GAREM1: variants seen among roughly 807,000 people sequenced by gnomAD.
GAREM1 encodes GRB2 associated regulator of MAPK1 subtype 1, also known as GRB2-associated and regulator of MAPK protein 1.
GAREM1 carries 26 observed loss-of-function variants against 71.3 expected under a neutral mutation model. The ratio of observed to expected loss-of-function variants is 0.36; its 90% CI spans 0.27 to 0.51. The LOEUF (loss-of-function observed/expected upper bound fraction) is 0.51. GAREM1 is among the 20% of genes least tolerant of loss of function. The pLI is 0.95. For missense variants in GAREM1, 1,026 were observed against 1,103.1 expected, an observed-to-expected ratio of 0.93 and a Z score of 0.99; for synonymous variants, 440 against 433.2, an observed-to-expected ratio of 1.02 and a Z score of -0.20.
intron 2 of GAREM1, among the ~76,000 whole-genome samples, chr18:32,388,950 T>C (rs1360100396): frequency 6.6e-6 from 1 of 152,176 alleles, no homozygotes; most frequent in African/African-American, 2.4e-5. Context: ...AGGATATCCT[T>C]GTTCTTAGGA....
chr18:32,342,552 C>T (rs139067945), intron 2 of GAREM1, among the ~76,000 whole-genome samples: 5 of 152,308 alleles, frequency 3.3e-5, no homozygotes, highest in African/African-American at 9.6e-5. Flanking sequence ...ACCTTCCCTC[C>T]TCTTGTCCTC....
In GAREM1 at chr18:32,287,744, A is replaced by G; in HGVS notation, c.853T>C (p.Cys285Arg). ...AGGATCTTGTTGTTCCGCAGCACACAGCAAACCACCACCGTCTTGGTCTGG... is the reference window on the plus strand; with the variant it reads ...AGGATCTTGTTGTTCCGCAGCACACGGCAAACCACCACCGTCTTGGTCTGG... ...NIQTKTVVVC[C>R]VLRNNKILPM... is the part of the protein sequence containing the mutation. Residue 285 changes from cysteine (C) to arginine (R), a missense_variant, in exon 4 of 6, where the codon TGT becomes CGT. Physicochemically the swap from Cys to Arg is radical, Grantham distance 180. Coordinates refer to ENST00000269209, the MANE Select transcript of GAREM1 (RefSeq NM_001242409.2). The surrounding 1 kb of genome is among the most constrained non-coding windows in gnomAD (Gnocchi z 5.9). 6.2e-7 allele frequency: 1 copy of G among 1,613,836 alleles called. No homozygotes were observed. Among genetic ancestry groups the G allele is most frequent in the Non-Finnish European group, 8.5e-7 (1 of 1,180,004 alleles).
At chr18:32,444,772 C>T (rs901580131) in intron 1 of GAREM1, among the ~76,000 whole-genome samples, 1 of 152,108 alleles carries the variant, frequency 6.6e-6, no homozygotes, top group Non-Finnish European at 1.5e-5. Context: ...TCTCTATATC[C>T]CTTTTCCTAT....
intron 2 of GAREM1, among the ~76,000 whole-genome samples, chr18:32,343,311 G>GTTTTTTTTTTTTTTTTTTTTTT (rs35086441): frequency 2.5e-5 from 3 of 118,886 alleles, no homozygotes; most frequent in African/African-American, 1.0e-4. Context: ...CTCCCCCACT[G>GTTTTTTTTTTTTTTTTTTTTTT]TTTTTTTTTT....
rs1422190759 is a variant in GAREM1 at position 32,287,986 on chromosome 18, C to T, written c.611G>A (p.Arg204Gln). The T allele has an allele frequency of 3.1e-6, 5 of 1,613,976 alleles. No homozygotes were observed. The highest frequency in any genetic ancestry group is 2.2e-5 in the South Asian group (2 of 91,060). Residue 204 changes from arginine to glutamine, a missense_variant, in exon 4 of 6, where the codon CGG (arginine) becomes CAG (glutamine). Physicochemically the swap from Arg to Gln is conservative, Grantham distance 43. Coordinates refer to ENST00000269209, the MANE Select transcript of GAREM1 (RefSeq NM_001242409.2). The surrounding 1 kb of genome is among the most constrained non-coding windows in gnomAD (Gnocchi z 5.9). ...TGGAAGGCTAATGCTTTCGTTGGTC[C>T]GGTGATTCATACAAATGAGGCACGG... Reference protein sequence around the residue: ...KMPCLICMNHRTNESISLPFQ... With the variant: ...KMPCLICMNHQTNESISLPFQ...
At chr18:32,304,796 CCT>C (rs1643211980) in intron 3 of GAREM1, among the ~76,000 whole-genome samples, 2 of 152,154 alleles carry the variant, frequency 1.3e-5, no homozygotes, top group African/African-American at 4.8e-5. Flanking sequence ...TGAACTCACC[CCT>C]GAGTTCAGAG....
chr18:32,332,712 A>T lies in GAREM1; in HGVS notation c.263-22389T>A, dbSNP rs117018541. Among the ~76,000 whole-genome samples, 6 of 152,198 alleles carry T rather than the reference A, an allele frequency of 3.9e-5. No homozygotes were observed. In the East Asian group the frequency reaches 1.2e-3, roughly 29 times the overall value. On this transcript the variant is annotated intron_variant, in intron 2 of 5. Transcript: ENST00000269209. ...GCTGTGTCTCCTACCACACCATCTG[A>T]CGGGACACTGTCGGGATTAAACGTA...
At chr18:32,457,226 A>AGAGAGAGTGT (rs1555648709) in intron 1 of GAREM1, among the ~76,000 whole-genome samples, 7 of 81,988 alleles carry the variant, frequency 8.5e-5, no homozygotes, top group East Asian at 4.9e-4. Flanking sequence ...AGAGAGAGAG[A>AGAGAGAGTGT]GTGTGTGTGT....
intron 1 of GAREM1, among the ~76,000 whole-genome samples, chr18:32,429,610 T>C (rs1014522433): frequency 1.3e-5 from 2 of 152,214 alleles, no homozygotes; most frequent in African/African-American, 4.8e-5. Flanking sequence ...TAAAAGAGAA[T>C]TCAAGCTGTG....
chr18:32,400,078 T>C (rs1471964109), intron 1 of GAREM1, among the ~76,000 whole-genome samples: 1 of 152,206 alleles, frequency 6.6e-6, no homozygotes, highest in Non-Finnish European at 1.5e-5. Flanking sequence ...GGGGAAAGGA[T>C]TCCCTATTTA....
chr18:32,456,695 A>T (rs73421979), intron 1 of GAREM1, among the ~76,000 whole-genome samples: 31,478 of 152,052 alleles, frequency 0.21, 3,724 homozygotes, highest in African/African-American at 0.32. Flanking sequence ...GAAGTGAAAC[A>T]TATTAGAAAT....
intron 2 of GAREM1, among the ~76,000 whole-genome samples, chr18:32,313,369 T>C (rs547840404): frequency 6.6e-6 from 1 of 152,186 alleles, no homozygotes; most frequent in South Asian, 2.1e-4. Context: ...TCAAAAGCCA[T>C]GCAAAGGAGA....
chr18:32,422,190 C>T (rs1030281125), intron 1 of GAREM1, among the ~76,000 whole-genome samples: 9 of 151,892 alleles, frequency 5.9e-5, no homozygotes, highest in African/African-American at 1.7e-4. Context: ...CTTCCTGTGT[C>T]GCTGTGTTCT....
At chr18:32,344,682 T>C (rs181625110) in intron 2 of GAREM1, among the ~76,000 whole-genome samples, 75 of 152,300 alleles carry the variant, frequency 4.9e-4, no homozygotes, top group African/African-American at 1.7e-3. Context: ...ATAAACACTG[T>C]CGAATGATAA....
At chr18:32,467,952 T>C (rs2049014036) in intron 1 of GAREM1, among the ~76,000 whole-genome samples, 1 of 151,752 alleles carries the variant, frequency 6.6e-6, no homozygotes, top group Non-Finnish European at 1.5e-5. Flanking sequence ...TATGATTGAC[T>C]CTTTTAAAGT....
chr18:32,328,447 G>A (rs2047494498), intron 2 of GAREM1, among the ~76,000 whole-genome samples: 1 of 152,130 alleles, frequency 6.6e-6, no homozygotes, highest in African/African-American at 2.4e-5. Flanking sequence ...CAGTTACACT[G>A]TATTTCACCT....
chr18:32,367,439 A>C (rs1294980037), intron 2 of GAREM1, among the ~76,000 whole-genome samples: 2 of 152,278 alleles, frequency 1.3e-5, no homozygotes, highest in Non-Finnish European at 2.9e-5. Context: ...TCTTCTCCTA[A>C]GATATTTAGT....
At chr18:32,316,085 T>C (rs942613601) in intron 2 of GAREM1, among the ~76,000 whole-genome samples, 2 of 152,238 alleles carry the variant, frequency 1.3e-5, no homozygotes, top group African/African-American at 4.8e-5. Flanking sequence ...TGCATAGTCA[T>C]CTGTGTTTTG....
chr18:32,328,849 T>C (rs2047498185), intron 2 of GAREM1, among the ~76,000 whole-genome samples: 1 of 152,166 alleles, frequency 6.6e-6, no homozygotes, highest in Non-Finnish European at 1.5e-5. Context: ...AAGGATACTA[T>C]GGGAAAAGTT....
Sources: allele counts gnomAD v4.1 joint callset (sites outside exome capture counted in the v4.1 genomes callset), GRCh38; gene constraint gnomAD v4.1.1; non-coding constraint Gnocchi (gnomAD v3.1); transcripts MANE v1.5; gene names NCBI Gene and HGNC (gene_info 2026-07-23, HGNC 2026-07-21).